The following CDH13 variants were observed in gnomAD, a reference collection of about 807,000 sequenced individuals.
CDH13 encodes the protein cadherin 13.
Under a neutral mutation model 63.8 loss-of-function variants are expected in CDH13, and 24 were observed. The ratio of observed to expected loss-of-function variants is 0.38; its 90% CI spans 0.27 to 0.53. CDH13 has a LOEUF of 0.53. Among genes scored for constraint, CDH13 ranks in the 20% least tolerant of loss-of-function variants. The pLI is 0.85. For synonymous variants in CDH13, 503 were observed against 355.3 expected, an observed-to-expected ratio of 1.42 and a Z score of -4.67; for missense variants, 1,049 against 903.1, an observed-to-expected ratio of 1.16 and a Z score of -2.07.
At chr16:83,440,981 T>C (rs1036286474) in intron 6 of CDH13, among the ~76,000 whole-genome samples, 1 of 152,200 alleles carries the variant, frequency 6.6e-6, no homozygotes, top group African/African-American at 2.4e-5. Flanking sequence ...TGTTCATCCC[T>C]GAACACAACC....
intron 6 of CDH13, among the ~76,000 whole-genome samples, chr16:83,443,721 AAAAAAAAAAAAAAAATATATAT>A (rs1314312522): frequency 2.6e-4 from 24 of 92,284 alleles, no homozygotes; most frequent in Admixed American, 1.4e-3. Flanking sequence ...AAAAAAAAAA[AAAAAAAAAAAAAAAATATATAT>A]ATATATATAT....
chr16:82,922,240 G>T (rs1452057803), intron 2 of CDH13, among the ~76,000 whole-genome samples: 1 of 152,034 alleles, frequency 6.6e-6, no homozygotes, highest in Non-Finnish European at 1.5e-5. Context: ...TTTCTCTGAT[G>T]CATTTGTACC....
intron 3 of CDH13, among the ~76,000 whole-genome samples, chr16:83,052,265 A>C (rs1314343608): frequency 6.6e-6 from 1 of 152,210 alleles, no homozygotes; most frequent in East Asian, 1.9e-4. Context: ...TTTTGAATGC[A>C]TTGTTATAAA....
chr16:83,240,610 T>C (rs1904330559), intron 5 of CDH13, among the ~76,000 whole-genome samples: 1 of 149,372 alleles, frequency 6.7e-6, no homozygotes, highest in African/African-American at 2.5e-5. Flanking sequence ...CAGTATGTGA[T>C]GAAAGAGAGG....
chr16:82,906,218 G>T (rs989145960), intron 2 of CDH13, among the ~76,000 whole-genome samples: 1 of 152,114 alleles, frequency 6.6e-6, no homozygotes, highest in Non-Finnish European at 1.5e-5. Context: ...CAGGCTTTCA[G>T]ATGTTCAGGA....
At chr16:83,648,043 G>C (rs918988058) in intron 8 of CDH13, among the ~76,000 whole-genome samples, 1 of 151,812 alleles carries the variant, frequency 6.6e-6, no homozygotes, top group African/African-American at 2.4e-5. Flanking sequence ...ACCTTTTTTT[G>C]GTTCCCTGAC....
intron 6 of CDH13, among the ~76,000 whole-genome samples, chr16:83,457,422 T>C (rs1002642442): frequency 2.0e-5 from 3 of 152,126 alleles, no homozygotes; most frequent in Non-Finnish European, 4.4e-5. Flanking sequence ...TTGCCATCAC[T>C]CATTACATAG....
At chr16:82,796,901 G>A (rs2036607964) in intron 1 of CDH13, among the ~76,000 whole-genome samples, 1 of 152,162 alleles carries the variant, frequency 6.6e-6, no homozygotes, top group Admixed American at 6.5e-5. Flanking sequence ...ATGTGTACTG[G>A]GAGACTATTG....
intron 5 of CDH13, among the ~76,000 whole-genome samples, chr16:83,223,655 T>C (rs1048482257): frequency 6.6e-6 from 1 of 152,204 alleles, no homozygotes; most frequent in African/African-American, 2.4e-5. Flanking sequence ...CGCCACTCAC[T>C]TCCATCCAGT....
At chr16:83,781,788 G>T (rs1915541393) in intron 12 of CDH13, among the ~76,000 whole-genome samples, 1 of 150,864 alleles carries the variant, frequency 6.6e-6, no homozygotes, top group Admixed American at 6.6e-5. Context: ...TGCAGAGGGG[G>T]GTGAGCATCA....
At chr16:83,720,319 GCA>G (rs1909522937) in intron 10 of CDH13, among the ~76,000 whole-genome samples, 1 of 140,414 alleles carries the variant, frequency 7.1e-6, no homozygotes, top group Admixed American at 7.2e-5. Context: ...GCACACACAT[GCA>G]CACACATTCA....
chr16:83,116,681 TA>T (rs71382863), intron 3 of CDH13, among the ~76,000 whole-genome samples: 152 of 152,378 alleles, frequency 1.0e-3, no homozygotes, highest in South Asian at 8.3e-3. Flanking sequence ...GGAGATGTTC[TA>T]AAATTATATG....
rs114845107 is a variant in CDH13 at position 83,466,267 on chromosome 16, G to C, written c.782-20210G>C. ...AAACCCTATTAACCTCAGTAAGGAA[G>C]ACACCAGGTTCAAGAGGCTGAAGAA... On this transcript the variant is annotated intron_variant, in intron 6 of 13. Coordinates refer to ENST00000567109, the MANE Select transcript of CDH13 (RefSeq NM_001257.5). Among the ~76,000 whole-genome samples, 972 of 152,294 alleles carry C rather than the reference G, an allele frequency of 6.4e-3. 11 individuals are homozygous for C. Among genetic ancestry groups the C allele is most frequent in the African/African-American group, 0.023 (942 of 41,568 alleles).
intron 3 of CDH13, among the ~76,000 whole-genome samples, chr16:83,120,202 C>T (rs1318232948): frequency 6.6e-6 from 1 of 152,110 alleles, no homozygotes; most frequent in Non-Finnish European, 1.5e-5. Context: ...CACTTTAGAT[C>T]CACGGATTAA....
chr16:83,160,147 A>G (rs1044491524), intron 4 of CDH13, among the ~76,000 whole-genome samples: 2 of 152,140 alleles, frequency 1.3e-5, no homozygotes, highest in African/African-American at 4.8e-5. Context: ...ACCATGATTC[A>G]AACTATGAAT....
chr16:82,976,292 T>G (rs866275761), intron 2 of CDH13, among the ~76,000 whole-genome samples: 1 of 152,128 alleles, frequency 6.6e-6, no homozygotes, highest in South Asian at 2.1e-4. Flanking sequence ...TGAAGCCTTC[T>G]TTGACGTGCC....
intron 1 of CDH13, among the ~76,000 whole-genome samples, chr16:82,809,667 T>C (rs948565595): frequency 1.3e-5 from 2 of 152,128 alleles, no homozygotes; most frequent in African/African-American, 2.4e-5. Context: ...ATAAAGGTAT[T>C]AAAGTGATGG....
At chr16:83,381,114 C>T (rs914919500) in intron 6 of CDH13, among the ~76,000 whole-genome samples, 1 of 152,104 alleles carries the variant, frequency 6.6e-6, no homozygotes, top group African/African-American at 2.4e-5. Context: ...GTACTTCATG[C>T]TTATTATTTC....
At chr16:83,616,201 C>T (rs993237554) in intron 8 of CDH13, among the ~76,000 whole-genome samples, 5 of 152,104 alleles carry the variant, frequency 3.3e-5, no homozygotes, top group African/African-American at 1.2e-4. Flanking sequence ...GTTGGAAATG[C>T]CCACGCTGAT....
Sources: allele counts gnomAD v4.1 joint callset (sites outside exome capture counted in the v4.1 genomes callset), GRCh38; gene constraint gnomAD v4.1.1; transcripts MANE v1.5; gene names NCBI Gene and HGNC (gene_info 2026-07-23, HGNC 2026-07-21).